Variants in ANK3 observed in about 807,000 individuals in gnomAD.
ANK3 encodes the protein ankyrin-3.
ANK3 carries 57 observed loss-of-function variants against 370.9 expected under a neutral mutation model. The observed-to-expected ratio is 0.15, with a 90% CI of 0.12 to 0.19. The LOEUF (loss-of-function observed/expected upper bound fraction) is 0.19, where lower values mean the gene tolerates loss of function less well. Ranked by LOEUF, ANK3 falls within the 10% of genes least tolerant of loss-of-function variation. ANK3 has a pLI of 1.00. For missense variants in ANK3, 4,439 were observed against 5,302.1 expected (o/e 0.84, Z 5.06); for synonymous variants, 1,929 against 1,946.3 (o/e 0.99, Z 0.23).
At chr10:60,612,985 T>C (rs2078220951) in intron 2 of ANK3, among the ~76,000 whole-genome samples, 1 of 152,220 alleles carries the variant, frequency 6.6e-6, no homozygotes. Flanking sequence ...GAGGTTGGAC[T>C]GTGCACAAAT....
intron 2 of ANK3, among the ~76,000 whole-genome samples, chr10:60,498,055 C>T (rs1423463754): frequency 2.6e-5 from 4 of 152,126 alleles, no homozygotes; most frequent in Non-Finnish European, 5.9e-5. Context: ...TCCAAATTGC[C>T]TCATCTTCTG....
chr10:60,194,373 CTAAT>C (rs2096548483), intron 16 of ANK3, among the ~76,000 whole-genome samples: 1 of 152,188 alleles, frequency 6.6e-6, no homozygotes, highest in East Asian at 1.9e-4. Flanking sequence ...TTTAGTCTTC[CTAAT>C]TGAGACTCTA....
intron 5 of ANK3, among the ~76,000 whole-genome samples, chr10:60,266,961 C>T (rs998981303): frequency 2.6e-5 from 4 of 151,854 alleles, no homozygotes; most frequent in South Asian, 2.1e-4. Context: ...GCTTCAGAAT[C>T]GTAATTAGCA....
At position 60,071,898 on chromosome 10, in the gene ANK3, A is replaced by G; in HGVS notation, c.8983T>C (p.Ser2995Pro). The change falls in exon 37 of 44, where the codon TCC becomes CCC. Residue 2995 changes from serine (S) to proline (P), a missense_variant. By Grantham distance (74) the Ser-to-Pro change is moderately conservative. This residue lies in a region of ANK3 where 1,601 missense variants were observed against 1,731.7 expected (regional missense o/e 0.92). Transcript: ENST00000280772. Reference protein sequence around the residue: ...FPKHELSQKLSQSSMSKETVE... With the variant: ...FPKHELSQKLPQSSMSKETVE... ...GTCTCTTTACTCATGCTTGACTGGGACAATTTTTGTGATAGTTCATGTTTT... is the reference window on the plus strand; with the variant it reads ...GTCTCTTTACTCATGCTTGACTGGGGCAATTTTTGTGATAGTTCATGTTTT... The G allele has an allele frequency of 6.2e-7, 1 of 1,614,112 alleles. No individual in the cohort carries two copies. The highest frequency in any genetic ancestry group is 1.1e-5 in the South Asian group (1 of 91,084).
intron 2 of ANK3, among the ~76,000 whole-genome samples, chr10:60,455,459 G>A (rs1193894253): frequency 6.6e-6 from 1 of 152,074 alleles, no homozygotes; most frequent in Non-Finnish European, 1.5e-5. Flanking sequence ...AAATAATAAC[G>A]CACTAGGGGC....
At chr10:60,116,086 C>A (rs1270017304) in intron 25 of ANK3, among the ~76,000 whole-genome samples, 1 of 152,056 alleles carries the variant, frequency 6.6e-6, no homozygotes, top group Non-Finnish European at 1.5e-5. Flanking sequence ...CCTTCATAAT[C>A]CCCTCAGTTG....
chr10:60,724,209 CAAAAAAAAAAA>C (rs398013720), intron 1 of ANK3, among the ~76,000 whole-genome samples: 22 of 54,608 alleles, frequency 4.0e-4, no homozygotes, highest in African/African-American at 1.6e-3. Flanking sequence ...GACTCCGTCT[CAAAAAAAAAAA>C]AAAAAAAAAA....
intron 1 of ANK3, among the ~76,000 whole-genome samples, chr10:60,720,572 T>C (rs1020762030): frequency 3.9e-5 from 6 of 152,220 alleles, no homozygotes; most frequent in Non-Finnish European, 5.9e-5. Context: ...AAATCTTATA[T>C]ATCTATATCT....
chr10:60,673,502 C>T (rs1030451059), intron 1 of ANK3, among the ~76,000 whole-genome samples: 7 of 152,238 alleles, frequency 4.6e-5, no homozygotes, highest in Admixed American at 1.3e-4. Flanking sequence ...AGGTGCCTGC[C>T]ACCACACCTA....
chr10:60,708,031 C>T (rs980048282), intron 1 of ANK3, among the ~76,000 whole-genome samples: 7 of 152,192 alleles, frequency 4.6e-5, no homozygotes, highest in African/African-American at 1.4e-4. Flanking sequence ...CTCCCCACTG[C>T]AAAGGACATG....
At chr10:60,690,466 A>G (rs962039018) in intron 1 of ANK3, among the ~76,000 whole-genome samples, 4 of 152,328 alleles carry the variant, frequency 2.6e-5, no homozygotes, top group Non-Finnish European at 5.9e-5. Flanking sequence ...TACAGAAAAT[A>G]GTATAATTTA....
intron 2 of ANK3, among the ~76,000 whole-genome samples, chr10:60,417,085 T>C (rs373090333): frequency 4.8e-4 from 73 of 152,244 alleles, no homozygotes; most frequent in African/African-American, 1.7e-3. Flanking sequence ...GAAGACCTAA[T>C]GGAGGATAAC....
In ANK3 at chr10:60,088,326, G is replaced by C. The variant is rs759013111; in HGVS notation, c.3361C>G (p.Arg1121Gly). 6.2e-7 allele frequency: 1 copy of C among 1,614,152 alleles called. No homozygotes were observed. Among genetic ancestry groups the C allele is most frequent in the Non-Finnish European group, 8.5e-7 (1 of 1,179,998 alleles). ...TCTTTCGTGATAATCCTGCAGATAC[G>C]CTTTTTCCCTAACTCTTCTGGGCTA... ...LDSPEELGKK[R>G]ICRIITKDFP... Residue 1121 changes from arginine (R) to glycine (G), a missense_variant, in exon 29 of 44, where the codon CGT (arginine) becomes GGT (glycine). By Grantham distance (125) the Arg-to-Gly change is moderately radical. Coordinates refer to ENST00000280772, the MANE Select transcript of ANK3 (RefSeq NM_020987.5).
chr10:60,277,041 A>G (rs2098101457), intron 4 of ANK3, among the ~76,000 whole-genome samples: 1 of 152,206 alleles, frequency 6.6e-6, no homozygotes, highest in Non-Finnish European at 1.5e-5. Context: ...GAATCAGAAT[A>G]ATTGGCATAG....
Position 60,139,098 on chromosome 10 carries a change from A to G in ANK3, c.2615-11T>C. 6.2e-7 allele frequency: 1 copy of G among 1,613,004 alleles called. No homozygotes were observed. Among genetic ancestry groups the G allele is most frequent in the Non-Finnish European group, 8.5e-7 (1 of 1,179,548 alleles). On this transcript the variant is annotated splice_polypyrimidine_tract_variant and intron_variant, in intron 23 of 43. Transcript: ENST00000280772. ...TCATTGCATCTTCACCTGCAGATGT[A>G]GAGAGTAAGCCCACATCAAAAGCTT... is the stretch of plus-strand genomic sequence containing the variant.
Position 60,245,164 on chromosome 10 carries a change from G to A in ANK3, c.799-10378C>T, listed in dbSNP as rs544815952. ...AGCCTGGGCGACAGAGCGAGACTCC[G>A]TCTAAAAAACAAAAAACAAAAAAAA... On this transcript the variant is annotated intron_variant, in intron 7 of 43. Coordinates refer to ENST00000280772, the MANE Select transcript of ANK3 (RefSeq NM_020987.5). 2.5e-3 allele frequency among the ~76,000 whole-genome samples: 373 copies of A among 151,172 alleles called. 3 individuals are homozygous for A. The highest frequency in any genetic ancestry group is 4.3e-3 in the Non-Finnish European group (291 of 67,872).
chr10:60,104,569 TA>T (rs1410639054), intron 28 of ANK3, among the ~76,000 whole-genome samples: 3 of 152,054 alleles, frequency 2.0e-5, no homozygotes, highest in Non-Finnish European at 4.4e-5. Flanking sequence ...AAAGTGGAAT[TA>T]AAACCACCTG....
intron 42 of ANK3, among the ~76,000 whole-genome samples, chr10:60,054,533 A>T (rs138750337): frequency 1.2e-4 from 18 of 152,310 alleles, no homozygotes; most frequent in African/African-American, 4.1e-4. Context: ...AAAAAAATAG[A>T]TGATCTAGAA....
intron 23 of ANK3, among the ~76,000 whole-genome samples, chr10:60,149,714 TTTG>T (rs1472705099): frequency 1.3e-5 from 2 of 152,172 alleles, no homozygotes; most frequent in African/African-American, 2.4e-5. Context: ...CTTATTTTGT[TTTG>T]TTGTTATTTG....
Sources: allele counts gnomAD v4.1 joint callset (sites outside exome capture counted in the v4.1 genomes callset), GRCh38; gene constraint gnomAD v4.1.1; regional missense constraint gnomAD v4.1.1; transcripts MANE v1.5; gene names NCBI Gene and HGNC (gene_info 2026-07-23, HGNC 2026-07-21).